PRDM14: variants seen among roughly 807,000 people sequenced by gnomAD.
PRDM14 encodes PR/SET domain 14.
In PRDM14, 16 loss-of-function variants were observed where a neutral mutation model predicts 48.0. The observed-to-expected ratio is 0.33, with a 90% confidence interval of 0.23 to 0.51. The LOEUF (loss-of-function observed/expected upper bound fraction) is 0.51. PRDM14 is among the 20% of genes least tolerant of loss of function. The pLI, the probability that PRDM14 is intolerant of heterozygous loss-of-function variation, is 0.97. For synonymous variants in PRDM14, 264 were observed against 276.6 expected (o/e 0.95, Z 0.45); for missense variants, 566 against 719.6 (o/e 0.79, Z 2.44).
chr8:70,062,506 A>AT (rs921167972), intron 5 of PRDM14, among the ~76,000 whole-genome samples: 134 of 146,974 alleles, frequency 9.1e-4, no homozygotes, highest in Admixed American at 1.2e-3. Flanking sequence ...CCTGAAGGTA[A>AT]TTTTTTTTTT....
chr8:70,052,959 C>T (rs1280544443), intron 7 of PRDM14, among the ~76,000 whole-genome samples: 1 of 148,322 alleles, frequency 6.7e-6, no homozygotes, highest in East Asian at 2.0e-4. Context: ...ATTACCTAGG[C>T]ATGGTAGCAT....
intron 5 of PRDM14, among the ~76,000 whole-genome samples, chr8:70,061,363 C>T (rs573448580): frequency 1.3e-5 from 2 of 152,290 alleles, no homozygotes; most frequent in South Asian, 4.1e-4. Context: ...TTCTCAGCAT[C>T]AGGACAGCAG....
chr8:70,068,004 A>T (rs1485609100), intron 4 of PRDM14, among the ~76,000 whole-genome samples: 2 of 152,242 alleles, frequency 1.3e-5, no homozygotes, highest in Admixed American at 1.3e-4. Context: ...TTCCAGACTA[A>T]AATGACTTAA....
At chr8:70,052,538 T>A (rs1314079096) in intron 7 of PRDM14, among the ~76,000 whole-genome samples, 1 of 152,122 alleles carries the variant, frequency 6.6e-6, no homozygotes, top group South Asian at 2.1e-4. Context: ...GGTTCTTCAA[T>A]GGCTAGATTA....
chr8:70,053,533 G>C (rs180858242), intron 7 of PRDM14, among the ~76,000 whole-genome samples: 56 of 152,184 alleles, frequency 3.7e-4, no homozygotes, highest in African/African-American at 1.3e-3. Context: ...TGGAATTACA[G>C]GTGCACTATG....
At position 70,070,015 on chromosome 8, in the gene PRDM14, G is replaced by A. The variant is rs888947712; in HGVS notation, c.-24-131C>T. The A allele has an allele frequency of 1.4e-4, 81 of 573,840 alleles. No individual in the cohort carries two copies. The African/African-American group carries it at 1.4e-3, about 10-fold the overall frequency. 35.5% of individuals were successfully genotyped at this position (573,840 alleles called of 1,614,324 possible). A position where few individuals can be genotyped will look rare whatever the true frequency, so the allele number is the denominator to read the frequency against. On this transcript the variant is annotated intron_variant, in intron 1 of 7. Transcript: ENST00000276594. ...GGAACAGGATAAACGCCCCCAGTCC[G>A]ATCCCGCCAGCCCGCTCCCACAATT...
chr8:70,069,406 G>T lies in PRDM14; in HGVS notation c.455C>A (p.Pro152Gln), dbSNP rs758278343. 9.3e-6 allele frequency: 15 copies of T among 1,606,766 alleles called. No individual in the cohort carries two copies. The African/African-American group carries it at 1.3e-4, about 14-fold the overall frequency. Residue 152 changes from proline to glutamine, a missense_variant, in exon 2 of 8, where the codon CCG becomes CAG. Coordinates refer to ENST00000276594, the MANE Select transcript of PRDM14 (RefSeq NM_024504.4). ...PCCGPDTLIP[P>Q]PPADASLLPE... ...TAACAGAGAAGCATCCGCAGGGGGC[G>T]GTGGAATTAAAGTGTCAGGTCCACA...
At chr8:70,067,876 A>G (rs1270098457) in intron 4 of PRDM14, among the ~76,000 whole-genome samples, 1 of 152,040 alleles carries the variant, frequency 6.6e-6, no homozygotes, top group Non-Finnish European at 1.5e-5. Flanking sequence ...GAATTTTAAA[A>G]CTTGTTTTTA....
intron 5 of PRDM14, 143 bp downstream of exon 5, chr8:70,066,091 AT>A: frequency 2.3e-6 from 2 of 882,630 alleles, no homozygotes; most frequent in Non-Finnish European, 3.5e-6. Context: ...CACCTGGGTA[AT>A]TCCCCCCTGG....
rs1006719531 is a variant in PRDM14, at chr8:70,052,418, G to A, written c.1489-114C>T. 16 of 781,460 alleles carry A rather than the reference G, an allele frequency of 2.0e-5. No individual in the cohort carries two copies. In the African/African-American group the frequency reaches 2.8e-4, roughly 14 times the overall value. 48.4% of individuals were successfully genotyped at this position (781,460 alleles called of 1,614,324 possible). A position where few individuals can be genotyped will look rare whatever the true frequency, so the allele number is the denominator to read the frequency against. On this transcript the variant is annotated intron_variant, in intron 7 of 7. Coordinates refer to ENST00000276594, the MANE Select transcript of PRDM14 (RefSeq NM_024504.4). ...GCTCATCCTTATGGACGAACCTTGG[G>A]TTTTAAGGCCATAGAGCACTCCTGG...
At position 70,051,721 on chromosome 8, in the gene PRDM14, G is replaced by A. The variant is rs781258114; in HGVS notation, c.*356C>T. Reference sequence around the variant, plus strand: ...CCATAAAAGGAAATAGAGAGAATCCGAATCTCTTGTTTTTACATTGTCTCC... The same window carrying A: ...CCATAAAAGGAAATAGAGAGAATCCAAATCTCTTGTTTTTACATTGTCTCC... On this transcript the variant is annotated 3_prime_UTR_variant, in exon 8 of 8. Transcript: ENST00000276594. 50 of 178,972 alleles carry A rather than the reference G, an allele frequency of 2.8e-4. No homozygotes were observed. The highest frequency in any genetic ancestry group is 4.6e-4 in the Non-Finnish European group (39 of 84,548). 11.1% of individuals were successfully genotyped at this position (178,972 alleles called of 1,614,324 possible). A position where few individuals can be genotyped will look rare whatever the true frequency, so the allele number is the denominator to read the frequency against.
At chr8:70,062,027 T>C (rs1361740782) in intron 5 of PRDM14, among the ~76,000 whole-genome samples, 1 of 152,256 alleles carries the variant, frequency 6.6e-6, no homozygotes, top group African/African-American at 2.4e-5. Context: ...AATGGAATTT[T>C]AATTTTTCTT....
rs1805665768 is a variant in PRDM14, at chr8:70,066,289, GAATATCCAGA to G, written c.1119_1128del (p.Asp375Ter). 6.2e-7 allele frequency: 1 copy of G among 1,614,032 alleles called. No individual in the cohort carries two copies. The highest frequency in any genetic ancestry group is 1.7e-5 in the Admixed American group (1 of 59,996). On this transcript the variant is annotated frameshift_variant, in exon 5 of 8. Transcript: ENST00000276594. LOFTEE classifies it high-confidence loss of function. ...GGCTCTGTGACCTGAAGGCTCACAGGAATATCCAGAAATTTCTCATAGCAGTCTCCATACC... is the reference window on the plus strand; with the variant it reads ...GGCTCTGTGACCTGAAGGCTCACAGGAATTTCTCATAGCAGTCTCCATACC...
At chr8:70,059,818 G>A (rs916311893) in intron 5 of PRDM14, among the ~76,000 whole-genome samples, 1 of 152,112 alleles carries the variant, frequency 6.6e-6, no homozygotes, top group Non-Finnish European at 1.5e-5. Context: ...TTGTGACCAG[G>A]CAAAGTGGCT....
At chr8:70,063,116 A>G (rs1356275187) in intron 5 of PRDM14, among the ~76,000 whole-genome samples, 1 of 152,178 alleles carries the variant, frequency 6.6e-6, no homozygotes, top group African/African-American at 2.4e-5. Flanking sequence ...ACATTGTAAT[A>G]ATTTGATACA....
intron 1 of PRDM14, among the ~76,000 whole-genome samples, chr8:70,070,545 G>A (rs944595681): frequency 3.9e-5 from 6 of 152,310 alleles, no homozygotes; most frequent in East Asian, 1.9e-4. Context: ...CTGACTGCCC[G>A]CAGGGGAGGG....
At position 70,058,840 on chromosome 8, in the gene PRDM14, ACT is replaced by A; in HGVS notation, c.1184_1185del (p.Glu395ValfsTer8). The A allele has an allele frequency of 1.2e-6, 2 of 1,613,020 alleles. No homozygotes were observed. Among genetic ancestry groups the A allele is most frequent in the Non-Finnish European group, 1.7e-6 (2 of 1,179,124 alleles). Reference protein sequence around the residue: ...PGKQPSGPSEESAEGYRCERC... With the variant: ...PGKQPSGPSEXSAEGYRCERC... The stretch of plus-strand genomic sequence containing the variant: ...CTTTCACATCTGTAGCCTTCTGCAG[ACT>A]CTGTCAAACACAGCAAACACAATGT... On this transcript the variant is annotated frameshift_variant and splice_region_variant, in exon 6 of 8. Coordinates refer to ENST00000276594, the MANE Select transcript of PRDM14 (RefSeq NM_024504.4). LOFTEE classifies it high-confidence loss of function.
At chr8:70,056,740 G>T (rs1805478503) in intron 6 of PRDM14, among the ~76,000 whole-genome samples, 1 of 150,374 alleles carries the variant, frequency 6.7e-6, no homozygotes, top group Non-Finnish European at 1.5e-5. Flanking sequence ...GATTGTTTGA[G>T]CGTAGGAGGT....
intron 7 of PRDM14, among the ~76,000 whole-genome samples, chr8:70,053,803 T>C (rs767788889): frequency 4.5e-4 from 69 of 152,328 alleles, no homozygotes; most frequent in Middle Eastern, 6.8e-3. Flanking sequence ...GGCTTAGAAG[T>C]AGCTGTAGGA....
Sources: gnomAD v4.1 joint callset for allele counts (sites outside exome capture counted in the v4.1 genomes callset) on GRCh38, gnomAD v4.1.1 for gene constraint, MANE v1.5 for transcripts, NCBI Gene and HGNC (gene_info 2026-07-23, HGNC 2026-07-21) for gene names.